The following RIMS1 variants were observed in gnomAD, a reference collection of about 807,000 sequenced individuals.
The protein encoded by RIMS1 is regulating synaptic membrane exocytosis protein 1.
Under a neutral mutation model 214.1 loss-of-function variants are expected in RIMS1, and 83 were observed. That is an observed-to-expected ratio of 0.39 (90% CI 0.32 to 0.47). RIMS1 has a LOEUF of 0.47. Among genes scored for constraint, RIMS1 ranks in the 20% least tolerant of loss-of-function variants. RIMS1 has a pLI of 0.99. For missense variants in RIMS1, 2,050 were observed against 2,161.8 expected (o/e 0.95, Z 1.03); for synonymous variants, 793 against 786.8 (o/e 1.01, Z -0.13).
In RIMS1 at chr6:72,004,897, G is replaced by T. The variant is rs557126346; in HGVS notation, c.245+35834G>T. ...TAATTAGATCCCATTTGTCAATTTT[G>T]GCTTTTGTTGTCATTGCTTTTGGTG... On this transcript the variant is annotated intron_variant, in intron 2 of 33. Transcript: ENST00000521978. Among the ~76,000 whole-genome samples, 289 of 151,904 alleles carry T rather than the reference G, an allele frequency of 1.9e-3. 1 individual carries two copies. The highest frequency in any genetic ancestry group is 6.6e-3 in the African/African-American group (273 of 41,426).
intron 2 of RIMS1, among the ~76,000 whole-genome samples, chr6:72,038,886 G>A (rs1398100215): frequency 2.0e-5 from 3 of 152,064 alleles, no homozygotes; most frequent in Non-Finnish European, 4.4e-5. Context: ...CCCTGAACTG[G>A]CTGGGCTATA....
chr6:72,303,916 G>C (rs2094892108), intron 26 of RIMS1, among the ~76,000 whole-genome samples: 1 of 151,334 alleles, frequency 6.6e-6, no homozygotes, highest in East Asian at 1.9e-4. Flanking sequence ...CATACATTTT[G>C]ATCTATAATC....
intron 2 of RIMS1, among the ~76,000 whole-genome samples, chr6:72,029,412 G>A (rs1817446598): frequency 6.6e-6 from 1 of 152,044 alleles, no homozygotes; most frequent in Non-Finnish European, 1.5e-5. Context: ...CCTTTAGGAT[G>A]TGATTAAGTC....
intron 1 of RIMS1, among the ~76,000 whole-genome samples, chr6:71,902,811 G>T (rs568978259): frequency 1.3e-5 from 2 of 152,074 alleles, no homozygotes; most frequent in Admixed American, 6.6e-5. Context: ...GTTTGCTGAG[G>T]ATAATGGCTT....
At chr6:72,381,562 T>G (rs1047857798) in intron 29 of RIMS1, among the ~76,000 whole-genome samples, 1 of 152,236 alleles carries the variant, frequency 6.6e-6, no homozygotes, top group African/African-American at 2.4e-5. Flanking sequence ...TCTCTTTACT[T>G]AAATATTTTT....
Position 72,400,396 on chromosome 6 carries a change from C to T in RIMS1, c.4861-100C>T. 5 of 923,454 alleles carry T rather than the reference C, an allele frequency of 5.4e-6. No individual in the cohort carries two copies. In the South Asian group the frequency reaches 7.0e-5, roughly 13 times the overall value. 57.2% of individuals were successfully genotyped at this position (923,454 alleles called of 1,614,324 possible). On this transcript the variant is annotated intron_variant, in intron 33 of 33. Transcript: ENST00000521978. ...TTGTATTCATTATTCTTTTCCTCTG[C>T]TTCACTGACTGGCCCACTTTTACAG...
rs1222409794 is a variant in RIMS1, at chr6:71,946,808, ATCT to A, written c.165-22171_165-22169del. Among the ~76,000 whole-genome samples the A allele has an allele frequency of 2.0e-5, 3 of 152,160 alleles. No homozygotes were observed. In the East Asian group the frequency reaches 5.8e-4, roughly 29 times the overall value. ...CAAGTGGGATGATATCAAGCTAAAA[ATCT>A]TCTGCACAGCCAAGAGAACAATAAA... On this transcript the variant is annotated intron_variant, in intron 1 of 33. Coordinates refer to ENST00000521978, the MANE Select transcript of RIMS1 (RefSeq NM_014989.7).
chr6:72,048,071 A>G (rs192153405), intron 2 of RIMS1, among the ~76,000 whole-genome samples: 2 of 152,324 alleles, frequency 1.3e-5, no homozygotes, highest in African/African-American at 4.8e-5. Flanking sequence ...TCCCACTCTC[A>G]TGAAGCTACA....
rs550055604 is a variant in RIMS1 at position 72,093,746 on chromosome 6, C to T, written c.246-3203C>T. Among the ~76,000 whole-genome samples, 11 of 152,074 alleles carry T rather than the reference C, an allele frequency of 7.2e-5. No homozygotes were observed. The East Asian group carries it at 9.7e-4, about 13-fold the overall frequency. On this transcript the variant is annotated intron_variant, in intron 2 of 33. Transcript: ENST00000521978. ...ATTTATTTATTTTAACTCTTATCTT[C>T]TTTTAGATTGACTTTTTTCTCATTC... is the stretch of plus-strand genomic sequence containing the variant.
chr6:72,317,020 A>G, intron 28 of RIMS1: 1 of 409,342 alleles, frequency 2.4e-6, no homozygotes, highest in South Asian at 1.8e-5. Context: ...CTCCATTCTT[A>G]TGGGGCTGGG....
intron 4 of RIMS1, among the ~76,000 whole-genome samples, chr6:72,136,352 T>G (rs1393140131): frequency 6.6e-6 from 1 of 151,692 alleles, no homozygotes; most frequent in Non-Finnish European, 1.5e-5. Flanking sequence ...TACACAAATA[T>G]GCATCTTGGT....
intron 26 of RIMS1, among the ~76,000 whole-genome samples, chr6:72,298,399 C>T (rs1393346859): frequency 6.6e-6 from 1 of 151,922 alleles, no homozygotes; most frequent in Non-Finnish European, 1.5e-5. Context: ...GGCCCCTTAT[C>T]AGTCAGTATT....
intron 18 of RIMS1, 144 bp downstream of exon 18, chr6:72,259,255 T>G (rs2077018395): frequency 3.7e-6 from 2 of 544,334 alleles, no homozygotes; most frequent in East Asian, 6.0e-5. Flanking sequence ...GTTAACATAT[T>G]GTAATAGAAA....
intron 1 of RIMS1, among the ~76,000 whole-genome samples, chr6:71,929,276 T>C (rs1347768124): frequency 6.6e-6 from 1 of 152,150 alleles, no homozygotes; most frequent in Non-Finnish European, 1.5e-5. Context: ...ATTGGCTCCA[T>C]GAGTTAATGA....
At chr6:71,964,100 G>A (rs1793751883) in intron 1 of RIMS1, among the ~76,000 whole-genome samples, 1 of 152,156 alleles carries the variant, frequency 6.6e-6, no homozygotes, top group Non-Finnish European at 1.5e-5. Context: ...GGAGCAGATT[G>A]TAGTAGTAAG....
Position 72,100,046 on chromosome 6 carries a change from G to C in RIMS1, c.471+60G>C, listed in dbSNP as rs1039144232. The stretch of plus-strand genomic sequence containing the variant: ...ATTGTATTGTTGTGAACTTTATTAA[G>C]TGAATGTTGCACCTAGTATTGTTAA... On this transcript the variant is annotated intron_variant, in intron 4 of 33. Transcript: ENST00000521978. 5 of 1,324,392 alleles carry C rather than the reference G, an allele frequency of 3.8e-6. No individual in the cohort carries two copies. The African/African-American group carries it at 5.8e-5, about 15-fold the overall frequency. 82.0% of individuals were successfully genotyped at this position (1,324,392 alleles called of 1,614,324 possible).
At chr6:71,916,356 G>A (rs77630737) in intron 1 of RIMS1, among the ~76,000 whole-genome samples, 1 of 152,190 alleles carries the variant, frequency 6.6e-6, no homozygotes, top group East Asian at 1.9e-4. Flanking sequence ...AGTGTTTGTA[G>A]GCTGTTTCCA....
At chr6:72,065,561 AAAATAATAG>A (rs1829081510) in intron 2 of RIMS1, among the ~76,000 whole-genome samples, 1 of 152,182 alleles carries the variant, frequency 6.6e-6, no homozygotes, top group African/African-American at 2.4e-5. Flanking sequence ...AGTACATGTA[AAAATAATAG>A]AAATAATAGA....
At chr6:71,960,449 A>T (rs1792597629) in intron 1 of RIMS1, among the ~76,000 whole-genome samples, 2 of 152,142 alleles carry the variant, frequency 1.3e-5, no homozygotes, top group South Asian at 2.1e-4. Flanking sequence ...TGTCATTTTC[A>T]CTTTTTGATC....
Sources: allele counts gnomAD v4.1 joint callset (sites outside exome capture counted in the v4.1 genomes callset), GRCh38; gene constraint gnomAD v4.1.1; transcripts MANE v1.5; gene names NCBI Gene and HGNC (gene_info 2026-07-23, HGNC 2026-07-21).